Variants in APOLD1 observed in about 807,000 individuals in gnomAD.
APOLD1 encodes apolipoprotein L domain-containing protein 1.
In APOLD1, 22 loss-of-function variants were observed where a neutral mutation model predicts 15.3. That is an observed-to-expected ratio of 1.44 (90% CI 1.03 to 2.05). The LOEUF (loss-of-function observed/expected upper bound fraction) is 2.05. APOLD1 is among the 30% of genes most tolerant of loss of function. The probability of loss-of-function intolerance (pLI) is 0.00; values close to 1 mark genes in which losing one functional copy is unlikely to be tolerated. For missense variants in APOLD1, 394 were observed against 353.5 expected (o/e 1.11, Z -0.92); for synonymous variants, 190 against 167.4 (o/e 1.13, Z -1.04).
chr12:12,779,616 GA>G (rs965695465), intron 1 of APOLD1, among the ~76,000 whole-genome samples: 3 of 151,674 alleles, frequency 2.0e-5, no homozygotes, highest in African/African-American at 4.8e-5. Flanking sequence ...TAATCCAAAG[GA>G]AAAAAAATGT....
intron 1 of APOLD1, among the ~76,000 whole-genome samples, chr12:12,734,944 A>T (rs2136369911): frequency 6.6e-6 from 1 of 152,240 alleles, no homozygotes; most frequent in Middle Eastern, 3.4e-3. Flanking sequence ...GTTGTGAAGG[A>T]TGAGTGCCAT....
chr12:12,762,071 T>G (rs2061068417), intron 1 of APOLD1, among the ~76,000 whole-genome samples: 1 of 151,926 alleles, frequency 6.6e-6, no homozygotes, highest in South Asian at 2.1e-4. Flanking sequence ...ATGAAGACAT[T>G]TTTAAGGAAG....
Position 12,787,023 on chromosome 12 carries a change from G to T in APOLD1, c.118G>T (p.Glu40Ter), listed in dbSNP as rs1245614140. The change falls in exon 2 of 2, where the codon GAG (glutamate) becomes TAG (stop). Residue 40 changes from glutamate to a stop codon, truncating the protein, a stop_gained. Transcript: ENST00000356591. LOFTEE classifies it high-confidence loss of function. The surrounding 1 kb of genome is among the most constrained non-coding windows in gnomAD (Gnocchi z 4.9). ...RLHGQVLRLR[E>*]VARRLERLRR... ...GCACGGCCAGGTGCTGCGCCTGCGC[G>T]AGGTGGCCCGGCGCCTGGAGCGCCT... 8.0e-6 allele frequency: 11 copies of T among 1,382,198 alleles called. No homozygotes were observed. The highest frequency in any genetic ancestry group is 1.0e-5 in the Non-Finnish European group (11 of 1,079,414). 85.6% of individuals were successfully genotyped at this position (1,382,198 alleles called of 1,614,324 possible).
At chr12:12,771,698 TG>T in intron 1 of APOLD1, 1 of 431,620 alleles carries the variant, frequency 2.3e-6, no homozygotes, top group Admixed American at 2.9e-5. Context: ...AGCCAAGGGT[TG>T]GGCACTTCCT....
At chr12:12,733,958 GTTTT>G (rs1946663457) in intron 1 of APOLD1, among the ~76,000 whole-genome samples, 1 of 152,196 alleles carries the variant, frequency 6.6e-6, no homozygotes, top group South Asian at 2.1e-4. Flanking sequence ...TGGAATCAGA[GTTTT>G]TATGTCTCAC....
chr12:12,731,448 G>C (rs1247657071), intron 1 of APOLD1, among the ~76,000 whole-genome samples: 1 of 152,162 alleles, frequency 6.6e-6, no homozygotes, highest in Non-Finnish European at 1.5e-5. Context: ...ACTTGGTATA[G>C]ATTTATTTGT....
intron 1 of APOLD1, among the ~76,000 whole-genome samples, chr12:12,769,227 TA>T (rs35276279): frequency 0.31 from 19,014 of 61,792 alleles, 1,212 homozygotes; most frequent in Middle Eastern, 0.34. Context: ...GACCTCCAGC[TA>T]AAAAAAAAAA....
intron 1 of APOLD1, among the ~76,000 whole-genome samples, chr12:12,729,323 A>G (rs939533800): frequency 6.7e-6 from 1 of 150,360 alleles, no homozygotes; most frequent in Admixed American, 6.7e-5. Context: ...AAATGAAACC[A>G]TAGACATGCA....
intron 1 of APOLD1, among the ~76,000 whole-genome samples, chr12:12,750,054 C>T (rs188695330): frequency 2.0e-4 from 30 of 152,160 alleles, no homozygotes; most frequent in South Asian, 8.3e-4. Context: ...AAATCCCTTC[C>T]GGTAGAGACA....
At position 12,790,553 on chromosome 12, in the gene APOLD1, CCT is replaced by C. The variant is rs1338668331; in HGVS notation, c.*2905_*2906del. The C allele has an allele frequency of 6.6e-6, 1 of 151,932 alleles. No homozygotes were observed. Among genetic ancestry groups the C allele is most frequent in the Non-Finnish European group, 1.5e-5 (1 of 68,006 alleles). 9.4% of individuals were successfully genotyped at this position (151,932 alleles called of 1,614,324 possible). On this transcript the variant is annotated 3_prime_UTR_variant, in exon 2 of 2. Transcript: ENST00000356591. ...ACAGTAACAGCAGCAGCAAACTTTT[CCT>C]CTCATATTTTGGGTGTATCAAAAGT...
At position 12,777,986 on chromosome 12, in the gene APOLD1, C is replaced by T. The variant is rs575038663; in HGVS notation, c.97-8923C>T. 2.7e-5 allele frequency among the ~76,000 whole-genome samples: 4 copies of T among 145,588 alleles called. No homozygotes were observed. The East Asian group carries it at 8.1e-4, about 29-fold the overall frequency. ...TCACCCAGGCTGGAATGCAGTGGTGCAGTCTCGGCTCACTGCAACCTCTGC... is the reference window on the plus strand; with the variant it reads ...TCACCCAGGCTGGAATGCAGTGGTGTAGTCTCGGCTCACTGCAACCTCTGC... On this transcript the variant is annotated intron_variant, in intron 1 of 1. Transcript: ENST00000326765.
intron 1 of APOLD1, among the ~76,000 whole-genome samples, chr12:12,737,892 G>GGACT (rs920374154): frequency 3.3e-5 from 5 of 152,116 alleles, no homozygotes; most frequent in Non-Finnish European, 5.9e-5. Flanking sequence ...GGGAGGAAGG[G>GGACT]GACTGAATGT....
upstream of APOLD1, among the ~76,000 whole-genome samples, chr12:12,783,098 C>T (rs751055660): frequency 6.6e-6 from 1 of 151,530 alleles, no homozygotes; most frequent in Non-Finnish European, 1.5e-5. Flanking sequence ...CCCAGCTTCT[C>T]GGGAGGCTGA....
At chr12:12,775,778 T>C (rs1174978882) in intron 1 of APOLD1, among the ~76,000 whole-genome samples, 2 of 152,108 alleles carry the variant, frequency 1.3e-5, no homozygotes, top group Non-Finnish European at 2.9e-5. Context: ...GGCGAGAGGA[T>C]TGCTTGAGAC....
chr12:12,755,452 G>T (rs757413156), intron 1 of APOLD1, among the ~76,000 whole-genome samples: 1 of 152,136 alleles, frequency 6.6e-6, no homozygotes, highest in Non-Finnish European at 1.5e-5. Context: ...TTATTAAAAG[G>T]CATCATAAAA....
chr12:12,786,742 C>CT (rs553066368), intron 1 of APOLD1, 167 bp from the exon 2 acceptor site: 1 of 985,412 alleles, frequency 1.0e-6, no homozygotes, highest in East Asian at 1.1e-4. Context: ...CAGAACAGGT[C>CT]TTTGAGAACT....
chr12:12,766,469 T>C (rs527536021), intron 1 of APOLD1, among the ~76,000 whole-genome samples: 40 of 152,280 alleles, frequency 2.6e-4, no homozygotes, highest in Admixed American at 3.9e-4. Flanking sequence ...TAAAAATCAC[T>C]TTTGCATTGC....
chr12:12,735,089 G>T (rs1054272775), intron 1 of APOLD1, among the ~76,000 whole-genome samples: 1 of 152,032 alleles, frequency 6.6e-6, no homozygotes, highest in Admixed American at 6.6e-5. Context: ...AAAGAAAAGG[G>T]CCTTTAAAAA....
At chr12:12,782,168 A>G (rs7965306), upstream of APOLD1, among the ~76,000 whole-genome samples, 3,847 of 152,162 alleles carry the variant, frequency 0.025, 90 homozygotes, top group East Asian at 0.049. Flanking sequence ...CTGAGGCAGG[A>G]GAATCGTTTG....
Sources: allele counts gnomAD v4.1 joint callset (sites outside exome capture counted in the v4.1 genomes callset), GRCh38; gene constraint gnomAD v4.1.1; non-coding constraint Gnocchi (gnomAD v3.1); transcripts MANE v1.5; gene names NCBI Gene and HGNC (gene_info 2026-07-23, HGNC 2026-07-21).